PLPPR1: variants seen among roughly 807,000 people sequenced by gnomAD.
The protein encoded by PLPPR1 is phospholipid phosphatase related 1, also known as phospholipid phosphatase-related protein type 1.
In PLPPR1, 10 loss-of-function variants were observed where a neutral mutation model predicts 33.1. The observed-to-expected ratio is 0.30, with a 90% confidence interval of 0.19 to 0.51. PLPPR1 has a LOEUF of 0.51. Ranked by LOEUF, PLPPR1 falls within the 20% of genes least tolerant of loss-of-function variation. The pLI is 0.97. For synonymous variants in PLPPR1, 151 were observed against 151.0 expected (o/e 1.00, Z 0.00); for missense variants, 304 against 408.1 (o/e 0.74, Z 2.20).
intron 4 of PLPPR1, among the ~76,000 whole-genome samples, chr9:101,290,848 C>A (rs370039446): frequency 5.3e-5 from 8 of 152,192 alleles, no homozygotes; most frequent in Admixed American, 3.9e-4. Flanking sequence ...CAGCTCTCAG[C>A]GTGAGTGACG....
chr9:101,249,494 T>A (rs2118862921), intron 2 of PLPPR1, among the ~76,000 whole-genome samples: 1 of 152,238 alleles, frequency 6.6e-6, no homozygotes, highest in East Asian at 1.9e-4. Flanking sequence ...TTGGCACATC[T>A]GTCATAATCA....
chr9:101,252,632 T>C (rs1827731901), intron 2 of PLPPR1, among the ~76,000 whole-genome samples: 1 of 152,158 alleles, frequency 6.6e-6, no homozygotes, highest in South Asian at 2.1e-4. Flanking sequence ...AACAAACTGC[T>C]TGACCTGAGA....
intron 7 of PLPPR1, among the ~76,000 whole-genome samples, chr9:101,319,198 A>G (rs1829109192): frequency 6.6e-6 from 1 of 152,116 alleles, no homozygotes; most frequent in Non-Finnish European, 1.5e-5. Context: ...CCCCGCTGAG[A>G]TGGAGTCTCA....
intron 3 of PLPPR1, among the ~76,000 whole-genome samples, chr9:101,279,703 G>A (rs190337004): frequency 5.8e-4 from 88 of 152,248 alleles, no homozygotes; most frequent in African/African-American, 1.8e-3. Flanking sequence ...TAAACAATAC[G>A]TTCCTGAATG....
chr9:101,190,506 T>C (rs1826279134), intron 2 of PLPPR1, among the ~76,000 whole-genome samples: 1 of 152,182 alleles, frequency 6.6e-6, no homozygotes, highest in African/African-American at 2.4e-5. Context: ...AGTGGAATGC[T>C]GATGTGCATT....
chr9:101,304,874 A>G (rs1828826666), intron 4 of PLPPR1, among the ~76,000 whole-genome samples: 2 of 152,156 alleles, frequency 1.3e-5, no homozygotes, highest in Admixed American at 1.3e-4. Context: ...AGCAGCAGCC[A>G]CGCTCTCCAG....
At chr9:101,167,312 C>G (rs1181485430) in intron 1 of PLPPR1, among the ~76,000 whole-genome samples, 3 of 150,350 alleles carry the variant, frequency 2.0e-5, no homozygotes, top group African/African-American at 7.3e-5. Flanking sequence ...GAAAATGCAG[C>G]CTTGCTTGGC....
rs966010166 is a variant in PLPPR1 at position 101,294,129 on chromosome 9, G to A, written c.385+7893G>A. 3.4e-3 allele frequency among the ~76,000 whole-genome samples: 524 copies of A among 152,132 alleles called. 4 individuals are homozygous for A. The highest frequency in any genetic ancestry group is 0.011 in the African/African-American group (442 of 41,504). On this transcript the variant is annotated intron_variant, in intron 4 of 7. Coordinates refer to ENST00000374874, the MANE Select transcript of PLPPR1 (RefSeq NM_207299.2). The stretch of plus-strand genomic sequence containing the variant: ...AAATGATAAAGGGGATATCACCACC[G>A]ATCCCACAGAAATACAAACTATCAT...
intron 2 of PLPPR1, among the ~76,000 whole-genome samples, chr9:101,252,678 C>T (rs764713024): frequency 2.6e-5 from 4 of 152,034 alleles, no homozygotes; most frequent in South Asian, 2.1e-4. Flanking sequence ...TGCCTAATTC[C>T]GAAGTAACTT....
chr9:101,286,367 T>C, intron 4 of PLPPR1, 131 bp downstream of exon 4: 2 of 758,502 alleles, frequency 2.6e-6, no homozygotes, highest in African/African-American at 3.5e-5. Context: ...TTCCTGATCC[T>C]ACTGCCACAT....
At chr9:101,139,645 T>C (rs947886777) in intron 1 of PLPPR1, among the ~76,000 whole-genome samples, 2 of 152,082 alleles carry the variant, frequency 1.3e-5, no homozygotes, top group Non-Finnish European at 2.9e-5. Context: ...TACACTCAAA[T>C]TGAGAGTGTT....
intron 7 of PLPPR1, among the ~76,000 whole-genome samples, chr9:101,318,828 T>G (rs947705544): frequency 2.2e-4 from 34 of 152,186 alleles, no homozygotes; most frequent in African/African-American, 7.9e-4. Context: ...TGATGTTAGA[T>G]TACCTGCCCG....
intron 2 of PLPPR1, among the ~76,000 whole-genome samples, chr9:101,215,541 T>C (rs1337344912): frequency 6.6e-6 from 1 of 152,156 alleles, no homozygotes; most frequent in East Asian, 1.9e-4. Context: ...AGTGCAGGGA[T>C]TACAGGTGTG....
intron 1 of PLPPR1, among the ~76,000 whole-genome samples, chr9:101,099,151 A>G (rs898929792): frequency 1.3e-5 from 2 of 152,000 alleles, no homozygotes; most frequent in African/African-American, 4.8e-5. Context: ...GGATGTGAAT[A>G]TTTAAAGAGA....
chr9:101,058,796 G>A (rs1012795379), intron 1 of PLPPR1, among the ~76,000 whole-genome samples: 15 of 151,986 alleles, frequency 9.9e-5, no homozygotes, highest in Non-Finnish European at 1.3e-4. Flanking sequence ...AAGTTCCAAA[G>A]CATTATACTA....
intron 1 of PLPPR1, among the ~76,000 whole-genome samples, chr9:101,046,700 C>T (rs1219082740): frequency 1.3e-5 from 2 of 152,084 alleles, no homozygotes; most frequent in East Asian, 3.9e-4. Flanking sequence ...GCCTCGGCCT[C>T]CCAAAGTGCT....
intron 1 of PLPPR1, among the ~76,000 whole-genome samples, chr9:101,130,061 G>A (rs988325139): frequency 1.3e-5 from 2 of 152,088 alleles, no homozygotes; most frequent in African/African-American, 4.8e-5. Flanking sequence ...AAACTTTTTG[G>A]GGATATGGAA....
chr9:101,047,444 T>A (rs1318223462), intron 1 of PLPPR1, among the ~76,000 whole-genome samples: 1 of 152,212 alleles, frequency 6.6e-6, no homozygotes, highest in African/African-American at 2.4e-5. Context: ...CTGAGCGCTG[T>A]GTGAAGCAAA....
intron 1 of PLPPR1, among the ~76,000 whole-genome samples, chr9:101,077,324 T>G (rs1830550335): frequency 6.6e-6 from 1 of 152,216 alleles, no homozygotes; most frequent in South Asian, 2.1e-4. Flanking sequence ...CCATATATTC[T>G]CTTTTCTACC....
Sources: allele counts gnomAD v4.1 joint callset (sites outside exome capture counted in the v4.1 genomes callset), GRCh38; gene constraint gnomAD v4.1.1; transcripts MANE v1.5; gene names NCBI Gene and HGNC (gene_info 2026-07-23, HGNC 2026-07-21).